The following GLS variants were observed in gnomAD, a reference collection of about 807,000 sequenced individuals.
GLS encodes glutaminase.
Under a neutral mutation model 86.7 loss-of-function variants are expected in GLS, and 36 were observed. That is an observed-to-expected ratio of 0.42 (90% CI 0.32 to 0.55). The LOEUF (loss-of-function observed/expected upper bound fraction) is 0.55. Ranked by LOEUF, GLS falls within the 20% of genes least tolerant of loss-of-function variation. GLS has a pLI of 0.17. For missense variants in GLS, 528 were observed against 833.4 expected, an observed-to-expected ratio of 0.63 and a Z score of 4.51; for synonymous variants, 317 against 305.9, an observed-to-expected ratio of 1.04 and a Z score of -0.38.
intron 1 of GLS, among the ~76,000 whole-genome samples, chr2:190,887,759 C>T (rs1688435442): frequency 6.6e-6 from 1 of 152,042 alleles, no homozygotes; most frequent in Non-Finnish European, 1.5e-5. Context: ...CAGTGTTATG[C>T]ATACTAGAGA....
At chr2:190,890,949 TATGAA>T (rs1448225178) in intron 1 of GLS, among the ~76,000 whole-genome samples, 1 of 152,136 alleles carries the variant, frequency 6.6e-6, no homozygotes, top group African/African-American at 2.4e-5. Context: ...GGTTAGGTAA[TATGAA>T]ATGTTATTTA....
chr2:190,896,459 T>A (rs1433812878), intron 3 of GLS: 1 of 152,246 alleles, frequency 6.6e-6, no homozygotes, highest in Non-Finnish European at 1.5e-5. Context: ...TATAAAACTG[T>A]AAATACTACT....
rs150749141 is a variant in GLS, at chr2:190,911,783, T to G, written c.1038+1462T>G. Among the ~76,000 whole-genome samples, 846 of 152,168 alleles carry G rather than the reference T, an allele frequency of 5.6e-3. 8 individuals carry two copies. The highest frequency in any genetic ancestry group is 0.019 in the African/African-American group (810 of 41,542). On this transcript the variant is annotated intron_variant, in intron 7 of 17. Transcript: ENST00000320717. ...AAAAGTGTTTCTTCCCAGAAAAATA[T>G]CCACATACCATAATTTTACATAAAC...
intron 13 of GLS, among the ~76,000 whole-genome samples, chr2:190,931,117 G>C (rs968940379): frequency 5.3e-5 from 8 of 152,064 alleles, no homozygotes; most frequent in African/African-American, 1.9e-4. Flanking sequence ...TTCATATTAA[G>C]TACCATACTC....
chr2:190,906,550 A>G (rs1414313778), intron 6 of GLS, among the ~76,000 whole-genome samples: 2 of 152,228 alleles, frequency 1.3e-5, no homozygotes, highest in Non-Finnish European at 2.9e-5. Context: ...TAATAAGAAT[A>G]AAACATAAAG....
In GLS at chr2:190,949,971, A is replaced by C. The variant is rs536374351; in HGVS notation, c.1651-3594A>C. Among the ~76,000 whole-genome samples, 1 of 149,802 alleles carries C rather than the reference A, an allele frequency of 6.7e-6. No homozygotes were observed. The highest frequency in any genetic ancestry group is 2.1e-4 in the South Asian group (1 of 4,800). ...ATAGTTATATATAACAAATATAGTTAAAAAGGATATAGTTAACAATACAAT... is the reference window on the plus strand; with the variant it reads ...ATAGTTATATATAACAAATATAGTTCAAAAGGATATAGTTAACAATACAAT... On this transcript the variant is annotated intron_variant, in intron 14 of 17. Coordinates refer to ENST00000320717, the MANE Select transcript of GLS (RefSeq NM_014905.5). The surrounding 1 kb of genome is among the most constrained non-coding windows in gnomAD (Gnocchi z 4.0).
At position 190,902,824 on chromosome 2, in the gene GLS, G is replaced by C. The variant is rs574808082; in HGVS notation, c.815+798G>C. ...CACTCATTTTTAAAGACTTAGCTCA[G>C]AGATATATTCCTTTGTTTTTTGTTT... On this transcript the variant is annotated intron_variant, in intron 5 of 17. Coordinates refer to ENST00000320717, the MANE Select transcript of GLS (RefSeq NM_014905.5). 1.8e-3 allele frequency among the ~76,000 whole-genome samples: 278 copies of C among 152,206 alleles called. 2 individuals carry two copies. The highest frequency in any genetic ancestry group is 6.1e-3 in the Admixed American group (93 of 15,292).
At chr2:190,898,153 G>C (rs1688811118) in intron 3 of GLS, among the ~76,000 whole-genome samples, 1 of 152,056 alleles carries the variant, frequency 6.6e-6, no homozygotes, top group Admixed American at 6.5e-5. Context: ...TTGCAAGAAA[G>C]TGAATGGTAG....
Position 190,913,613 on chromosome 2 carries a change from T to C in GLS, c.1038+3292T>C, listed in dbSNP as rs1004253255. The C allele has an allele frequency of 1.0e-6, 1 of 969,976 alleles. No individual in the cohort carries two copies. 60.1% of individuals were successfully genotyped at this position (969,976 alleles called of 1,614,324 possible). ...ATGATGTAGCAGTATCCTTACGTAT[T>C]TGTTTTCTTTTCACTGGTAAAAATT... is the stretch of plus-strand genomic sequence containing the variant. On this transcript the variant is annotated intron_variant, in intron 7 of 17. Transcript: ENST00000320717. The surrounding 1 kb of genome is among the most constrained non-coding windows in gnomAD (Gnocchi z 6.1).
At chr2:190,933,062 A>G in intron 14 of GLS, 5 of 1,034,370 alleles carry the variant, frequency 4.8e-6, no homozygotes, top group Non-Finnish European at 5.9e-6. Context: ...TTTAAAAAGT[A>G]TTTACAAGTA....
In GLS at chr2:190,920,590, A is replaced by G. The variant is rs144116704; in HGVS notation, c.1039-434A>G. On this transcript the variant is annotated intron_variant, in intron 7 of 17. Transcript: ENST00000320717. The surrounding 1 kb of genome is among the most constrained non-coding windows in gnomAD (Gnocchi z 4.2). ...ACTCTGATATTAGTTTAAGGATTTAATAAAATATAAGTAGATTGTTCTTAA... is the reference window on the plus strand; with the variant it reads ...ACTCTGATATTAGTTTAAGGATTTAGTAAAATATAAGTAGATTGTTCTTAA... Among the ~76,000 whole-genome samples, 1,267 of 151,992 alleles carry G rather than the reference A, an allele frequency of 8.3e-3. 28 individuals carry two copies. The highest frequency in any genetic ancestry group is 0.029 in the African/African-American group (1,213 of 41,552).
chr2:190,902,041 A>C lies in GLS; in HGVS notation c.815+15A>C. ...GATGGACAGAGGTAAGTTTATTTCA[A>C]ATTCATGAAAACCAACTCTAAGCCT... On this transcript the variant is annotated intron_variant, in intron 5 of 17. Coordinates refer to ENST00000320717, the MANE Select transcript of GLS (RefSeq NM_014905.5). 6.7e-7 allele frequency: 1 copy of C among 1,494,746 alleles called. No homozygotes were observed. The highest frequency in any genetic ancestry group is 9.3e-7 in the Non-Finnish European group (1 of 1,071,468). 92.6% of individuals were successfully genotyped at this position (1,494,746 alleles called of 1,614,324 possible).
chr2:190,941,310 T>C (rs1281446249), intron 14 of GLS, among the ~76,000 whole-genome samples: 2 of 152,190 alleles, frequency 1.3e-5, no homozygotes, highest in African/African-American at 4.8e-5. Flanking sequence ...AGTTACAAAA[T>C]GGTATATGCC....
Position 190,964,877 on chromosome 2 carries a change from A to AC in GLS, c.*1893dup, listed in dbSNP as rs1466761275. The AC allele has an allele frequency of 1.3e-5, 2 of 152,260 alleles. No individual in the cohort carries two copies. Among genetic ancestry groups the AC allele is most frequent in the African/African-American group, 2.4e-5 (1 of 41,464 alleles). 9.4% of individuals were successfully genotyped at this position (152,260 alleles called of 1,614,324 possible). ...AGTTGAATTGTGTGACTTGAAGATT[A>AC]CCAATGATTTTGAGGCTTTTCTATA... On this transcript the variant is annotated 3_prime_UTR_variant, in exon 18 of 18. Transcript: ENST00000320717. This position sits in a 1 kb window ranked among gnomAD's most constrained non-coding sequence, Gnocchi z 5.2.
rs1689473166 is a variant in GLS, at chr2:190,914,752, C to G, written c.1038+4431C>G. 6.6e-6 allele frequency among the ~76,000 whole-genome samples: 1 copy of G among 152,018 alleles called. No homozygotes were observed. Among genetic ancestry groups the G allele is most frequent in the Non-Finnish European group, 1.5e-5 (1 of 68,000 alleles). On this transcript the variant is annotated intron_variant, in intron 7 of 17. Transcript: ENST00000320717. This position sits in a 1 kb window ranked among gnomAD's most constrained non-coding sequence, Gnocchi z 4.4. ...CGATACTTACAAAATAACTCTGATG[C>G]ATTGATTTTAAATGAGCCATTTTAT...
In GLS at chr2:190,951,891, A is replaced by G. The variant is rs1690728651; in HGVS notation, c.1651-1674A>G. ...TTTATAACCCAGAAAAGTGCATATC[A>G]AAGTCACCTGGAGACTTTAAACAAA... On this transcript the variant is annotated intron_variant, in intron 14 of 17. Coordinates refer to ENST00000320717, the MANE Select transcript of GLS (RefSeq NM_014905.5). This position sits in a 1 kb window ranked among gnomAD's most constrained non-coding sequence, Gnocchi z 4.2. Among the ~76,000 whole-genome samples the G allele has an allele frequency of 6.6e-6, 1 of 152,246 alleles. No homozygotes were observed. The highest frequency in any genetic ancestry group is 2.4e-5 in the African/African-American group (1 of 41,464).
At chr2:190,937,988 T>A (rs1172706303) in intron 14 of GLS, among the ~76,000 whole-genome samples, 1 of 151,332 alleles carries the variant, frequency 6.6e-6, no homozygotes, top group East Asian at 1.9e-4. Context: ...TGCCAACTGC[T>A]TCTGTCGGTT....
At chr2:190,939,925 T>A (rs1019455268) in intron 14 of GLS, among the ~76,000 whole-genome samples, 9 of 151,896 alleles carry the variant, frequency 5.9e-5, no homozygotes, top group African/African-American at 1.9e-4. Context: ...TATTTTTTAT[T>A]GTTTCATATT....
rs922055872 is a variant in GLS, at chr2:190,898,397, T to C, written c.606-2167T>C. On this transcript the variant is annotated intron_variant, in intron 3 of 17. Coordinates refer to ENST00000320717, the MANE Select transcript of GLS (RefSeq NM_014905.5). ...AAGCACCTCCTCAGAGTTCATTTTA[T>C]ATGACTTCTCATTTCCTAGTTAGAC... 5.9e-5 allele frequency among the ~76,000 whole-genome samples: 9 copies of C among 152,348 alleles called. No homozygotes were observed. In the East Asian group the frequency reaches 1.7e-3, roughly 29 times the overall value.
Sources: allele counts gnomAD v4.1 joint callset (sites outside exome capture counted in the v4.1 genomes callset), GRCh38; gene constraint gnomAD v4.1.1; non-coding constraint Gnocchi (gnomAD v3.1); transcripts MANE v1.5; gene names NCBI Gene and HGNC (gene_info 2026-07-23, HGNC 2026-07-21).